Variants in RABGAP1L observed in about 807,000 individuals in gnomAD.
The protein encoded by RABGAP1L is rab GTPase-activating protein 1-like.
In RABGAP1L, 63 loss-of-function variants were observed where a neutral mutation model predicts 137.7. The observed-to-expected ratio is 0.46, with a 90% confidence interval of 0.37 to 0.56. The LOEUF (loss-of-function observed/expected upper bound fraction) is 0.56, where lower values mean the gene tolerates loss of function less well. Ranked by LOEUF, RABGAP1L falls within the 20% of genes least tolerant of loss-of-function variation. The probability of loss-of-function intolerance (pLI) is 0.00; values close to 1 mark genes in which losing one functional copy is unlikely to be tolerated. For synonymous variants in RABGAP1L, 431 were observed against 433.7 expected (o/e 0.99, Z 0.08); for missense variants, 1,095 against 1,244.0 (o/e 0.88, Z 1.80).
chr1:174,982,964 T>C, intron 24 of RABGAP1L, 59 bp downstream of exon 24: 1 of 1,509,268 alleles, frequency 6.6e-7, no homozygotes, highest in Non-Finnish European at 9.0e-7. Context: ...GGCTTGTAAG[T>C]ACCTGAAAGA....
At chr1:174,427,290 T>G (rs1652078394) in intron 13 of RABGAP1L, among the ~76,000 whole-genome samples, 1 of 152,062 alleles carries the variant, frequency 6.6e-6, no homozygotes, top group Non-Finnish European at 1.5e-5. Flanking sequence ...AACTTCGATC[T>G]TCTAATTCAG....
chr1:174,626,103 C>A (rs1237998667), intron 13 of RABGAP1L, among the ~76,000 whole-genome samples: 2 of 152,114 alleles, frequency 1.3e-5, no homozygotes, highest in African/African-American at 4.8e-5. Context: ...ATATTAATTC[C>A]AAAAATGTCA....
At chr1:174,938,897 A>G (rs759593258) in intron 19 of RABGAP1L, among the ~76,000 whole-genome samples, 13 of 152,178 alleles carry the variant, frequency 8.5e-5, no homozygotes, top group Non-Finnish European at 1.6e-4. Flanking sequence ...CACAGTTTCC[A>G]TAGAAATGGG....
chr1:174,209,514 G>A (rs1668729906), intron 1 of RABGAP1L, among the ~76,000 whole-genome samples: 1 of 152,230 alleles, frequency 6.6e-6, no homozygotes. Context: ...TCCTCTGCCT[G>A]TGGAAACGAC....
intron 1 of RABGAP1L, among the ~76,000 whole-genome samples, chr1:174,179,739 G>A (rs1338243265): frequency 6.6e-6 from 1 of 152,168 alleles, no homozygotes; most frequent in Non-Finnish European, 1.5e-5. Context: ...AGTATTATTA[G>A]GAAAATTGCT....
intron 7 of RABGAP1L, among the ~76,000 whole-genome samples, chr1:174,265,100 A>G (rs1673943098): frequency 6.6e-6 from 1 of 152,216 alleles, no homozygotes; most frequent in African/African-American, 2.4e-5. Flanking sequence ...CTGTAGCTGT[A>G]CAGGGGAAGA....
chr1:174,681,212 C>T (rs1678040358), intron 14 of RABGAP1L, among the ~76,000 whole-genome samples: 1 of 152,154 alleles, frequency 6.6e-6, no homozygotes, highest in African/African-American at 2.4e-5. Context: ...ACCTCCATTC[C>T]TAGGTATTTA....
rs1672097089 is a variant in RABGAP1L, at chr1:174,992,121, T to C, written c.*2120T>C. Reference sequence around the variant, plus strand: ...AGACCTTGTTCAACTTCATAGTCCCTTTCCTTTTAAAGAGGAGAAGAGAAA... The same window carrying C: ...AGACCTTGTTCAACTTCATAGTCCCCTTCCTTTTAAAGAGGAGAAGAGAAA... On this transcript the variant is annotated 3_prime_UTR_variant, in exon 26 of 26. Transcript: ENST00000681986. 6.6e-6 allele frequency: 1 copy of C among 152,196 alleles called. No individual in the cohort carries two copies. Among genetic ancestry groups the C allele is most frequent in the Admixed American group, 6.5e-5 (1 of 15,272 alleles). 9.4% of individuals were successfully genotyped at this position (152,196 alleles called of 1,614,324 possible).
At chr1:174,511,989 T>C (rs1310055043) in intron 13 of RABGAP1L, among the ~76,000 whole-genome samples, 1 of 152,234 alleles carries the variant, frequency 6.6e-6, no homozygotes, top group Non-Finnish European at 1.5e-5. Context: ...TCCAATCCTT[T>C]ATTTATTTAA....
chr1:174,881,290 G>C (rs992883019), intron 19 of RABGAP1L, among the ~76,000 whole-genome samples: 4 of 151,938 alleles, frequency 2.6e-5, no homozygotes, highest in Non-Finnish European at 5.9e-5. Context: ...AAAAGCCTTG[G>C]AGTTCTGATA....
rs770439099 is a variant in RABGAP1L at position 174,946,980 on chromosome 1, G to GTGTGTATA, written c.2341-10476_2341-10475insGTGTATAT. Among the ~76,000 whole-genome samples, 168 of 78,216 alleles carry GTGTGTATA rather than the reference G, an allele frequency of 2.1e-3. 4 individuals carry two copies. The highest frequency in any genetic ancestry group is 8.4e-3 in the African/African-American group (154 of 18,418). 51.3% of individuals were successfully genotyped at this position (78,216 alleles called of 152,430 possible). ...TGTGTGTGTGTGTGTGTGTGTGTGT[G>GTGTGTATA]TATATATATGTATATATATATGTAT... On this transcript the variant is annotated intron_variant, in intron 19 of 25. Transcript: ENST00000681986.
intron 20 of RABGAP1L, chr1:174,958,119 G>A (rs1425762640): frequency 2.7e-6 from 4 of 1,500,560 alleles, no homozygotes; most frequent in South Asian, 1.2e-5. Flanking sequence ...GCCTCTGTCT[G>A]TAGAAAATGT....
intron 17 of RABGAP1L, among the ~76,000 whole-genome samples, chr1:174,709,469 A>G (rs1369375976): frequency 6.6e-6 from 1 of 152,216 alleles, no homozygotes; most frequent in East Asian, 1.9e-4. Flanking sequence ...TGAAGCTTCC[A>G]GAGGAAGGAA....
chr1:174,600,743 T>G (rs1412264263), intron 13 of RABGAP1L, among the ~76,000 whole-genome samples: 2 of 152,194 alleles, frequency 1.3e-5, no homozygotes, highest in African/African-American at 2.4e-5. Context: ...ACAGCCTCCC[T>G]TCTGGCTGCC....
At chr1:174,271,990 G>C (rs997886303) in intron 7 of RABGAP1L, among the ~76,000 whole-genome samples, 2 of 151,858 alleles carry the variant, frequency 1.3e-5, no homozygotes, top group Non-Finnish European at 2.9e-5. Flanking sequence ...TTGATGCAAA[G>C]AGAGCATAGT....
intron 8 of RABGAP1L, chr1:174,275,001 T>C (rs1366260367): frequency 3.3e-5 from 5 of 152,208 alleles, no homozygotes; most frequent in African/African-American, 9.6e-5. Flanking sequence ...GAAATACTTG[T>C]ATGCTGTGTG....
intron 19 of RABGAP1L, chr1:174,954,297 C>T (rs1249628271): frequency 1.3e-5 from 2 of 152,270 alleles, no homozygotes; most frequent in African/African-American, 4.8e-5. Flanking sequence ...TGGAAGGTTT[C>T]CTAGCAACAT....
intron 19 of RABGAP1L, among the ~76,000 whole-genome samples, chr1:174,841,811 C>A (rs916862904): frequency 7.9e-5 from 12 of 151,290 alleles, no homozygotes; most frequent in African/African-American, 2.7e-4. Context: ...AAAATAAATA[C>A]TAACTTTAGA....
chr1:174,268,972 C>T (rs1004396591), intron 7 of RABGAP1L, among the ~76,000 whole-genome samples: 2 of 151,874 alleles, frequency 1.3e-5, no homozygotes, highest in African/African-American at 4.8e-5. Flanking sequence ...CTGTTGCCCA[C>T]GCTGGAGTGC....
Sources: allele counts gnomAD v4.1 joint callset (sites outside exome capture counted in the v4.1 genomes callset), GRCh38; gene constraint gnomAD v4.1.1; transcripts MANE v1.5; gene names NCBI Gene and HGNC (gene_info 2026-07-23, HGNC 2026-07-21).